Variants in URGCP observed in about 807,000 individuals in gnomAD.
URGCP encodes the protein up-regulator of cell proliferation.
URGCP carries 13 observed loss-of-function variants against 24.6 expected under a neutral mutation model. The observed-to-expected ratio is 0.53, with a 90% confidence interval of 0.34 to 0.84. The LOEUF (loss-of-function observed/expected upper bound fraction) is 0.84, where lower values mean the gene tolerates loss of function less well. URGCP is among the 40% of genes least tolerant of loss of function. The pLI is 0.01. For synonymous variants in URGCP, 444 were observed against 487.2 expected, an observed-to-expected ratio of 0.91 and a Z score of 1.17; for missense variants, 899 against 1,194.3, an observed-to-expected ratio of 0.75 and a Z score of 3.64.
chr7:43,906,374 C>A, intron 1 of URGCP, 188 bp downstream of exon 1: 1 of 387,264 alleles, frequency 2.6e-6, no homozygotes, highest in Non-Finnish European at 2.8e-6. Context: ...CCCCCACGCC[C>A]GCGCGGCCGG....
intron 1 of URGCP, among the ~76,000 whole-genome samples, chr7:43,915,373 A>C (rs149073763): frequency 0.021 from 3,122 of 152,256 alleles, 54 homozygotes; most frequent in Non-Finnish European, 0.03. Context: ...AGGATAGAGG[A>C]AACTGCACCC....
In URGCP at chr7:43,878,225, G is replaced by A. The variant is rs760128588; in HGVS notation, c.1238C>T (p.Ser413Leu). The A allele has an allele frequency of 6.2e-7, 1 of 1,614,096 alleles. No individual in the cohort carries two copies. The highest frequency in any genetic ancestry group is 1.1e-5 in the South Asian group (1 of 91,086). The part of the protein sequence containing the change: ...KLIPVLKIDH[S>L]HVLVKVSSTD... ...GCTGCTGACCTTTACCAGGACATGTGAGTGGTCTATTTTCAGCACAGGAAT... is the reference window on the plus strand; with the variant it reads ...GCTGCTGACCTTTACCAGGACATGTAAGTGGTCTATTTTCAGCACAGGAAT... The change falls in exon 6 of 6, where the codon TCA becomes TTA. Residue 413 changes from serine to leucine, a missense_variant. Physicochemically the swap from Ser to Leu is moderately radical, Grantham distance 145 (BLOSUM62 -2). Transcript: ENST00000453200. The surrounding 1 kb of genome is among the most constrained non-coding windows in gnomAD (Gnocchi z 5.6).
At chr7:43,919,476 C>T (rs1562591363) in intron 1 of URGCP, 10 of 1,076,890 alleles carry the variant, frequency 9.3e-6, no homozygotes. Context: ...CATCGCCTCA[C>T]TCATTCCCAC....
intron 1 of URGCP, among the ~76,000 whole-genome samples, chr7:43,904,826 C>T (rs745354102): frequency 6.6e-6 from 1 of 152,180 alleles, no homozygotes; most frequent in Non-Finnish European, 1.5e-5. Flanking sequence ...CAGCCTGTTG[C>T]TCTTAGGCTA....
chr7:43,883,354 A>ATTTT (rs1281395529), intron 3 of URGCP, among the ~76,000 whole-genome samples: 1 of 97,692 alleles, frequency 1.0e-5, no homozygotes, highest in South Asian at 2.8e-4. Context: ...ATATATATAT[A>ATTTT]TATATATATT....
upstream of URGCP, among the ~76,000 whole-genome samples, chr7:43,909,272 T>TAC (rs2095907462): frequency 6.6e-6 from 1 of 152,152 alleles, no homozygotes; most frequent in Admixed American, 6.5e-5. Context: ...TACATATACC[T>TAC]ACACACATAT....
At chr7:43,891,330 C>T (rs1461650287) in intron 1 of URGCP, among the ~76,000 whole-genome samples, 1 of 152,186 alleles carries the variant, frequency 6.6e-6, no homozygotes, top group Non-Finnish European at 1.5e-5. Flanking sequence ...AATACAGGTA[C>T]AATTACTCAC....
intron 1 of URGCP, among the ~76,000 whole-genome samples, chr7:43,903,022 G>A (rs564235871): frequency 1.3e-5 from 2 of 152,002 alleles, no homozygotes; most frequent in Non-Finnish European, 2.9e-5. Flanking sequence ...TGTGTAATGT[G>A]CTTATAATTC....
At position 43,894,640 on chromosome 7, in the gene URGCP, G is replaced by A. The variant is rs567576473; in HGVS notation, c.15-6824C>T. On this transcript the variant is annotated intron_variant, in intron 1 of 5. Coordinates refer to ENST00000453200, the MANE Select transcript of URGCP (RefSeq NM_001077663.3). ...CTCCCAAAGTGCTGTAATTACAGGC[G>A]TGAGCCACTGTGCCTGGCCAAAAAA... Among the ~76,000 whole-genome samples the A allele has an allele frequency of 6.6e-5, 10 of 152,190 alleles. No homozygotes were observed. The East Asian group carries it at 1.5e-3, about 23-fold the overall frequency.
intron 1 of URGCP, among the ~76,000 whole-genome samples, chr7:43,894,833 A>C (rs977240651): frequency 3.3e-5 from 5 of 152,130 alleles, no homozygotes; most frequent in African/African-American, 1.2e-4. Flanking sequence ...GTTTGAGAAC[A>C]AGCCTAGGCA....
At chr7:43,913,139 T>A (rs1585836946) in intron 1 of URGCP, among the ~76,000 whole-genome samples, 1 of 151,758 alleles carries the variant, frequency 6.6e-6, no homozygotes, top group Admixed American at 6.6e-5. Context: ...GTATGAGCCA[T>A]CCCGCCCAGC....
At chr7:43,912,812 A>T (rs1422451071) in intron 1 of URGCP, among the ~76,000 whole-genome samples, 1 of 151,580 alleles carries the variant, frequency 6.6e-6, no homozygotes, top group Non-Finnish European at 1.5e-5. Flanking sequence ...GAATTCCCTC[A>T]GCTTTTGTTT....
At chr7:43,900,606 A>G (rs983925015) in intron 1 of URGCP, among the ~76,000 whole-genome samples, 1 of 152,036 alleles carries the variant, frequency 6.6e-6, no homozygotes, top group African/African-American at 2.4e-5. Flanking sequence ...TAAAGACAGG[A>G]GACAGGGTCT....
upstream of URGCP, among the ~76,000 whole-genome samples, chr7:43,910,354 T>C (rs2095908655): frequency 6.7e-6 from 1 of 149,714 alleles, no homozygotes; most frequent in African/African-American, 2.4e-5. Flanking sequence ...TAGCTGGGAC[T>C]ACAGGCATGT....
intron 1 of URGCP, among the ~76,000 whole-genome samples, chr7:43,916,711 A>ACCCC (rs1352266678): frequency 1.3e-4 from 5 of 39,268 alleles, no homozygotes; most frequent in Non-Finnish European, 2.6e-4. Context: ...CTCCCTACCC[A>ACCCC]CCCCCCCCCC....
chr7:43,892,072 T>C (rs1370516363), intron 1 of URGCP, among the ~76,000 whole-genome samples: 1 of 151,452 alleles, frequency 6.6e-6, no homozygotes, highest in Non-Finnish European at 1.5e-5. Context: ...TGAGCCACTA[T>C]TGCCCAGCCT....
intron 1 of URGCP, among the ~76,000 whole-genome samples, chr7:43,898,788 A>T (rs1481474541): frequency 6.5e-5 from 5 of 76,462 alleles, no homozygotes; most frequent in Admixed American, 4.6e-4. Flanking sequence ...TAAATAAATA[A>T]ATTTATTTTA....
chr7:43,906,683 G>A (rs1301042878), upstream of URGCP: 1 of 1,040,358 alleles, frequency 9.6e-7, no homozygotes, highest in East Asian at 6.5e-5. Context: ...TCCGGGACGC[G>A]CTCCAGGGGT....
chr7:43,893,227 G>T (rs1447686955), intron 1 of URGCP, among the ~76,000 whole-genome samples: 1 of 152,188 alleles, frequency 6.6e-6, no homozygotes, highest in Non-Finnish European at 1.5e-5. Context: ...TACTCAGGAG[G>T]CTGAGGTGAG....
Sources: gnomAD v4.1 joint callset for allele counts (sites outside exome capture counted in the v4.1 genomes callset) on GRCh38, gnomAD v4.1.1 for gene constraint, Gnocchi (gnomAD v3.1) non-coding constraint, MANE v1.5 for transcripts, NCBI Gene and HGNC (gene_info 2026-07-23, HGNC 2026-07-21) for gene names.